The following ASIC2 variants were observed in gnomAD, a reference collection of about 807,000 sequenced individuals.
ASIC2 encodes the protein acid sensing ion channel subunit 2, also known as acid-sensing ion channel 2.
A neutral mutation model predicts 57.3 loss-of-function variants in ASIC2; 25 were observed. The ratio of observed to expected loss-of-function variants is 0.44; its 90% CI spans 0.32 to 0.61. The LOEUF (loss-of-function observed/expected upper bound fraction) is 0.61. Ranked by LOEUF, ASIC2 falls within the 20% of genes least tolerant of loss-of-function variation. The pLI is 0.06. For missense variants in ASIC2, 641 were observed against 738.1 expected (o/e 0.87, Z 1.52); for synonymous variants, 319 against 307.5 (o/e 1.04, Z -0.39).
intron 1 of ASIC2, among the ~76,000 whole-genome samples, chr17:33,812,097 T>C (rs888971767): frequency 6.6e-6 from 1 of 152,152 alleles, no homozygotes; most frequent in Non-Finnish European, 1.5e-5. Context: ...TTCTTATCCA[T>C]GCTAATTGTG....
intron 1 of ASIC2, among the ~76,000 whole-genome samples, chr17:33,962,543 T>C (rs1904957581): frequency 6.6e-6 from 1 of 152,140 alleles, no homozygotes; most frequent in Non-Finnish European, 1.5e-5. Context: ...CCATGGTGTG[T>C]AGAATGTGGG....
chr17:33,756,421 T>C (rs750583385), intron 1 of ASIC2, among the ~76,000 whole-genome samples: 3 of 152,234 alleles, frequency 2.0e-5, no homozygotes, highest in Non-Finnish European at 2.9e-5. Flanking sequence ...CAGAAATAAG[T>C]TCCCATATAC....
chr17:34,122,442 C>A (rs1198082296), intron 1 of ASIC2, among the ~76,000 whole-genome samples: 1 of 152,200 alleles, frequency 6.6e-6, no homozygotes, highest in Admixed American at 6.5e-5. Context: ...CATCGGAATG[C>A]AAATGGAGAC....
chr17:33,929,363 T>C (rs1221512591), intron 1 of ASIC2, among the ~76,000 whole-genome samples: 1 of 152,236 alleles, frequency 6.6e-6, no homozygotes, highest in East Asian at 1.9e-4. Context: ...ACTGTGATCC[T>C]TTCCTTAGCT....
intron 1 of ASIC2, among the ~76,000 whole-genome samples, chr17:33,596,187 T>C (rs1904973833): frequency 6.6e-6 from 1 of 152,184 alleles, no homozygotes. Context: ...CCATCAGTGA[T>C]TGAGTTTGGG....
At chr17:33,318,407 C>T (rs1188174062) in intron 1 of ASIC2, among the ~76,000 whole-genome samples, 4 of 152,094 alleles carry the variant, frequency 2.6e-5, no homozygotes, top group Non-Finnish European at 4.4e-5. Context: ...GATTTGGTGC[C>T]AAAATAAGGT....
At chr17:34,091,703 G>A (rs1012281784) in intron 1 of ASIC2, among the ~76,000 whole-genome samples, 3 of 152,236 alleles carry the variant, frequency 2.0e-5, no homozygotes, top group Non-Finnish European at 4.4e-5. Context: ...AACATTCACC[G>A]AACCAGTCCA....
At chr17:33,213,713 C>T (rs1907367830) in intron 1 of ASIC2, among the ~76,000 whole-genome samples, 1 of 152,148 alleles carries the variant, frequency 6.6e-6, no homozygotes, top group Admixed American at 6.5e-5. Context: ...CCCCTTTCCC[C>T]TTCTTTCCAC....
chr17:33,228,745 C>A (rs535633421), intron 1 of ASIC2, among the ~76,000 whole-genome samples: 2 of 152,360 alleles, frequency 1.3e-5, no homozygotes, highest in African/African-American at 2.4e-5. Context: ...AATCTACATG[C>A]ACTTCCACTA....
intron 1 of ASIC2, among the ~76,000 whole-genome samples, chr17:33,460,044 G>A (rs150543741): frequency 1.3e-5 from 2 of 151,884 alleles, no homozygotes; most frequent in Non-Finnish European, 2.9e-5. Context: ...ACTCAGATTT[G>A]TGTGTTTGAC....
chr17:34,141,272 A>G (rs1313902248), intron 1 of ASIC2, among the ~76,000 whole-genome samples: 4 of 152,052 alleles, frequency 2.6e-5, no homozygotes, highest in Non-Finnish European at 5.9e-5. Context: ...TCCTGGATGG[A>G]CTCCTTTAGC....
At chr17:33,697,337 G>A (rs1597839299) in intron 1 of ASIC2, among the ~76,000 whole-genome samples, 1 of 152,172 alleles carries the variant, frequency 6.6e-6, no homozygotes, top group Admixed American at 6.5e-5. Context: ...TCTTCACTTT[G>A]AGTAGGCTAA....
At chr17:33,649,123 CCTA>C (rs1906841338) in intron 1 of ASIC2, among the ~76,000 whole-genome samples, 1 of 152,074 alleles carries the variant, frequency 6.6e-6, no homozygotes, top group Non-Finnish European at 1.5e-5. Context: ...TTAAACTAAC[CCTA>C]TTTGAAATTA....
chr17:33,732,605 C>T (rs1345833745), intron 1 of ASIC2, among the ~76,000 whole-genome samples: 1 of 150,720 alleles, frequency 6.6e-6, no homozygotes, highest in African/African-American at 2.5e-5. Flanking sequence ...TCATGCCATT[C>T]TCCTGCCTCA....
At chr17:33,882,878 G>A (rs948220436) in intron 1 of ASIC2, among the ~76,000 whole-genome samples, 1 of 152,168 alleles carries the variant, frequency 6.6e-6, no homozygotes, top group Non-Finnish European at 1.5e-5. Context: ...AACAATGATA[G>A]ACTAGATTAA....
chr17:34,089,715 C>G (rs1367633242), intron 1 of ASIC2, among the ~76,000 whole-genome samples: 1 of 152,110 alleles, frequency 6.6e-6, no homozygotes, highest in African/African-American at 2.4e-5. Flanking sequence ...TCTTCAAAGA[C>G]TCATTTCATC....
At chr17:33,483,847 C>T (rs1464029766) in intron 1 of ASIC2, among the ~76,000 whole-genome samples, 1 of 152,146 alleles carries the variant, frequency 6.6e-6, no homozygotes, top group Non-Finnish European at 1.5e-5. Flanking sequence ...GACAAAAGGG[C>T]CCTTGCAGGT....
intron 1 of ASIC2, among the ~76,000 whole-genome samples, chr17:33,577,344 T>C (rs1345738690): frequency 6.6e-6 from 1 of 152,128 alleles, no homozygotes; most frequent in Non-Finnish European, 1.5e-5. Context: ...AAGCATTTCC[T>C]TGTCAGAAAA....
intron 1 of ASIC2, among the ~76,000 whole-genome samples, chr17:34,075,684 T>C (rs947794449): frequency 6.6e-6 from 1 of 151,980 alleles, no homozygotes; most frequent in Non-Finnish European, 1.5e-5. Context: ...CTCTCTGCCT[T>C]CCTCCTCTCC....
Sources: allele counts gnomAD v4.1 joint callset (sites outside exome capture counted in the v4.1 genomes callset), GRCh38; gene constraint gnomAD v4.1.1; transcripts MANE v1.5; gene names NCBI Gene and HGNC (gene_info 2026-07-23, HGNC 2026-07-21).